TAF6: variants seen among roughly 807,000 people sequenced by gnomAD.
TAF6 encodes the protein transcription initiation factor TFIID subunit 6.
In TAF6, 50 loss-of-function variants were observed where a neutral mutation model predicts 73.5. The observed-to-expected ratio is 0.68, with a 90% CI of 0.54 to 0.86. TAF6 has a LOEUF of 0.86. Among genes scored for constraint, TAF6 ranks in the 40% least tolerant of loss-of-function variants. TAF6 has a pLI of 0.00. For synonymous variants in TAF6, 424 were observed against 376.7 expected, an observed-to-expected ratio of 1.13 and a Z score of -1.45; for missense variants, 768 against 899.5, an observed-to-expected ratio of 0.85 and a Z score of 1.87.
Position 100,107,325 on chromosome 7 carries a change from T to TC in TAF6, c.1954dup (p.Asp652GlyfsTer86). On this transcript the variant is annotated frameshift_variant, in exon 15 of 15. Coordinates refer to ENST00000453269, the MANE Select transcript of TAF6 (RefSeq NM_139315.3). LOFTEE classifies it high-confidence loss of function. ...AGTCCCTGGAGCTGGAGGGGGACTGTCCCCAGCCTCCTGCTTCCCCCCACA... is the reference window on the plus strand; with the variant it reads ...AGTCCCTGGAGCTGGAGGGGGACTGTCCCCCAGCCTCCTGCTTCCCCCCACA... The TC allele has an allele frequency of 6.5e-7, 1 of 1,541,612 alleles. No individual in the cohort carries two copies. Among genetic ancestry groups the TC allele is most frequent in the Non-Finnish European group, 8.7e-7 (1 of 1,143,528 alleles).
Position 100,119,329 on chromosome 7 carries a change from C to G in TAF6, c.-185G>C, listed in dbSNP as rs1310227056. The G allele has an allele frequency of 3.9e-6, 4 of 1,034,168 alleles. No individual in the cohort carries two copies. Among genetic ancestry groups the G allele is most frequent in the Non-Finnish European group, 4.7e-6 (4 of 859,192 alleles). 64.1% of individuals were successfully genotyped at this position (1,034,168 alleles called of 1,614,324 possible). ...TAGCGGCAGCCGAGACGCTGCTCAC[C>G]CGGCGCTCGGCGCCATCTTGGCCCC... is the stretch of plus-strand genomic sequence containing the variant. On this transcript the variant is annotated 5_prime_UTR_variant, in exon 1 of 15. Coordinates refer to ENST00000453269, the MANE Select transcript of TAF6 (RefSeq NM_139315.3).
At position 100,113,843 on chromosome 7, in the gene TAF6, C is replaced by T. The variant is rs775410942; in HGVS notation, c.243+25G>A. ...TGGCTGAAGGATGGCGTCTCACCCCCCCCCCGCCTGTCTCCCCAAATCACC... is the reference window on the plus strand; with the variant it reads ...TGGCTGAAGGATGGCGTCTCACCCCTCCCCCGCCTGTCTCCCCAAATCACC... On this transcript the variant is annotated intron_variant, in intron 3 of 14. Coordinates refer to ENST00000453269, the MANE Select transcript of TAF6 (RefSeq NM_139315.3). 4.0e-5 allele frequency: 64 copies of T among 1,611,382 alleles called. No individual in the cohort carries two copies. The Admixed American group carries it at 4.3e-4, about 11-fold the overall frequency.
the TAF6 span, among the ~76,000 whole-genome samples, chr7:100,125,835 G>T: frequency 3.3e-5 from 5 of 152,032 alleles, no homozygotes; most frequent in Admixed American, 6.6e-5. Flanking sequence ...CCTGAGTGTA[G>T]GAGTTCGAGA....
Position 100,109,938 on chromosome 7 carries a change from C to G in TAF6, c.1284+10G>C. 6.2e-7 allele frequency: 1 copy of G among 1,613,792 alleles called. No individual in the cohort carries two copies. Among genetic ancestry groups the G allele is most frequent in the Non-Finnish European group, 8.5e-7 (1 of 1,179,856 alleles). On this transcript the variant is annotated intron_variant, in intron 12 of 14. Coordinates refer to ENST00000453269, the MANE Select transcript of TAF6 (RefSeq NM_139315.3). ...CAGTGGGCAGGTGTGGGGACAGGGG[C>G]TTCAGTCACCAGCAGGAGGCTCTGC...
chr7:100,113,030 C>T, intron 5 of TAF6, 113 bp from the exon 6 acceptor site: 1 of 1,437,464 alleles, frequency 7.0e-7, no homozygotes, highest in Non-Finnish European at 9.3e-7. Context: ...TTTGGGAGGC[C>T]AAGGCGGGTG....
chr7:100,119,631 G>T, upstream of TAF6: 1 of 1,596,418 alleles, frequency 6.3e-7, no homozygotes, highest in South Asian at 1.1e-5. Context: ...CGCATGCGCC[G>T]ACCTTCCTCG....
In TAF6 at chr7:100,109,991, T is replaced by A. The variant is rs1474118170; in HGVS notation, c.1241A>T (p.Asn414Ile). ...ATGGTCTGCTCCAATCCGGTCAATGTTGCTCAGCACAGGGCCGTCCAGCAC... is the reference window on the plus strand; with the variant it reads ...ATGGTCTGCTCCAATCCGGTCAATGATGCTCAGCACAGGGCCGTCCAGCAC... ...RSVLDGPVLS[N>I]IDRIGADHVQ... is the part of the protein sequence containing the mutation. The change falls in exon 12 of 15, where the codon AAC becomes ATC. Residue 414 changes from asparagine (N) to isoleucine (I), a missense_variant. Physicochemically the swap from Asn to Ile is moderately radical, Grantham distance 149. Transcript: ENST00000453269. 1 of 1,614,086 alleles carries A rather than the reference T, an allele frequency of 6.2e-7. No homozygotes were observed. The highest frequency in any genetic ancestry group is 8.5e-7 in the Non-Finnish European group (1 of 1,180,038).
intron 1 of TAF6, among the ~76,000 whole-genome samples, chr7:100,115,853 C>T (rs1250464715): frequency 1.3e-5 from 2 of 152,002 alleles, no homozygotes; most frequent in Non-Finnish European, 2.9e-5. Flanking sequence ...CACCTGTAGT[C>T]CCAGCTACTC....
upstream of TAF6, chr7:100,122,433 G>C: frequency 3.1e-6 from 5 of 1,614,042 alleles, no homozygotes; most frequent in African/African-American, 1.3e-5. Context: ...CGGAGCCCTG[G>C]GAGTTCCTAC....
chr7:100,122,199 G>GA (rs1408514023), upstream of TAF6: 11 of 1,604,212 alleles, frequency 6.9e-6, no homozygotes, highest in Admixed American at 1.7e-5. Flanking sequence ...GTCATCTGCA[G>GA]AATGAATGGC....
At chr7:100,119,741 T>C, upstream of TAF6, 1 of 1,614,202 alleles carries the variant, frequency 6.2e-7, no homozygotes, top group South Asian at 1.1e-5. Flanking sequence ...GACGGCGCTT[T>C]GTCATGGGAC....
At chr7:100,110,918 G>A (rs1183118341) in intron 10 of TAF6, among the ~76,000 whole-genome samples, 2 of 151,990 alleles carry the variant, frequency 1.3e-5, no homozygotes, top group Non-Finnish European at 2.9e-5. Context: ...GGAGGCAGAG[G>A]GTGCGGTCAG....
chr7:100,121,779 G>T (rs894350699), upstream of TAF6, among the ~76,000 whole-genome samples: 1 of 151,608 alleles, frequency 6.6e-6, no homozygotes, highest in Non-Finnish European at 1.5e-5. Context: ...GGCCGGGCGT[G>T]GTGGCTCACG....
At chr7:100,126,994 G>A in the TAF6 span, 8 of 175,686 alleles carry the variant, frequency 4.6e-5, no homozygotes, top group Admixed American at 1.2e-4. Context: ...AACCGCAGAG[G>A]ACAAACTCTC....
chr7:100,118,839 A>G (rs975243928), intron 1 of TAF6: 15 of 985,084 alleles, frequency 1.5e-5, no homozygotes, highest in South Asian at 4.7e-5. Context: ...CCCGACTTTT[A>G]TAAGTCTTAT....
upstream of TAF6, chr7:100,119,393 C>G: frequency 8.8e-7 from 1 of 1,131,874 alleles, no homozygotes; most frequent in African/African-American, 1.7e-5. Flanking sequence ...AGCCTAAGAG[C>G]AAGTCACTGC....
the TAF6 span, chr7:100,127,153 TGGGGCGGGGGCCGAGGACGCCGAGGGA>T: frequency 4.0e-6 from 2 of 505,212 alleles, no homozygotes; most frequent in Non-Finnish European, 7.0e-6. The surrounding 1 kb of genome is among the most constrained non-coding windows in gnomAD (Gnocchi z 4.6). Context: ...GCGAACGGAA[TGGGGCGGGGGCCGAGGACGCCGAGGGA>T]GGGGCGGGCC....
intron 10 of TAF6, 119 bp downstream of exon 10, chr7:100,111,020 C>T: frequency 8.2e-7 from 1 of 1,221,344 alleles, no homozygotes; most frequent in Non-Finnish European, 1.2e-6. Context: ...GCCTCAAGAC[C>T]CTTAGACCCC....
chr7:100,111,836 G>A lies in TAF6; in HGVS notation c.799-7C>T. 1 of 1,614,234 alleles carries A rather than the reference G, an allele frequency of 6.2e-7. No homozygotes were observed. The highest frequency in any genetic ancestry group is 8.5e-7 in the Non-Finnish European group (1 of 1,180,032). On this transcript the variant is annotated splice_polypyrimidine_tract_variant and splice_region_variant and intron_variant, in intron 8 of 14. Transcript: ENST00000453269. The stretch of plus-strand genomic sequence containing the variant: ...GAACCACGTTCACACGGACCTGTGG[G>A]AGGGAGAAGTGCTGGGCATGGGGCA...
Sources: gnomAD v4.1 joint callset for allele counts (sites outside exome capture counted in the v4.1 genomes callset) on GRCh38, gnomAD v4.1.1 for gene constraint, Gnocchi (gnomAD v3.1) non-coding constraint, MANE v1.5 for transcripts, NCBI Gene and HGNC (gene_info 2026-07-23, HGNC 2026-07-21) for gene names.